DAAM2: variants seen among roughly 807,000 people sequenced by gnomAD.
DAAM2 encodes the protein dishevelled associated activator of morphogenesis 2, also known as disheveled-associated activator of morphogenesis 2.
In DAAM2, 39 loss-of-function variants were observed where a neutral mutation model predicts 120.7. The observed-to-expected ratio is 0.32, with a 90% CI of 0.25 to 0.42. DAAM2 has a LOEUF of 0.42. DAAM2 is among the 10% of genes least tolerant of loss of function. The pLI is 1.00. For synonymous variants in DAAM2, 488 were observed against 524.9 expected, an observed-to-expected ratio of 0.93 and a Z score of 0.96; for missense variants, 1,283 against 1,401.7, an observed-to-expected ratio of 0.92 and a Z score of 1.35.
rs1215782156 is a variant in DAAM2, at chr6:39,900,120, A to G, written c.2723A>G (p.Lys908Arg). The stretch of plus-strand genomic sequence containing the variant: ...CGCCAGGTACGGGAGCCCAGTGACA[A>G]GTTTGTCCCTGTCATGAGCGACTTC... ...QRRQVREPSD[K>R]FVPVMSDFIT... The change falls in exon 23 of 25, where the codon AAG becomes AGG. Residue 908 changes from lysine (K) to arginine (R), a missense_variant. Around this residue, in one of 3 missense-constraint regions of DAAM2, gnomAD observed 748 missense variants for 768.6 expected, o/e 0.97. Coordinates refer to ENST00000274867, the MANE Select transcript of DAAM2 (RefSeq NM_001201427.2). 1.9e-6 allele frequency: 3 copies of G among 1,601,154 alleles called. No individual in the cohort carries two copies. The highest frequency in any genetic ancestry group is 2.6e-6 in the Non-Finnish European group (3 of 1,174,096).
chr6:39,887,220 A>T, intron 15 of DAAM2: 1 of 377,168 alleles, frequency 2.7e-6, no homozygotes, highest in Non-Finnish European at 4.9e-6. Context: ...GATAATTTCT[A>T]AAAAAAATCT....
At chr6:39,831,821 A>G (rs1328146307) in intron 1 of DAAM2, among the ~76,000 whole-genome samples, 2 of 57,742 alleles carry the variant, frequency 3.5e-5, no homozygotes, top group African/African-American at 7.6e-5. Context: ...CAGTGCAGGG[A>G]CCAGAGCACT....
Position 39,861,021 on chromosome 6 carries a change from C to A in DAAM2, c.258+4C>A. 1 of 1,604,946 alleles carries A rather than the reference C, an allele frequency of 6.2e-7. No homozygotes were observed. Among genetic ancestry groups the A allele is most frequent in the Non-Finnish European group, 8.5e-7 (1 of 1,175,176 alleles). On this transcript the variant is annotated splice_donor_region_variant and intron_variant, in intron 3 of 24. Transcript: ENST00000274867. ...GATCTACTGCAGCAAGAAGAAGGTG[C>A]CCTCTCTGACCCCTCTGGCCACATC...
At position 39,901,725 on chromosome 6, in the gene DAAM2, G is replaced by A. The variant is rs1022918462; in HGVS notation, c.2983-88G>A. 6.3e-6 allele frequency: 8 copies of A among 1,264,858 alleles called. No individual in the cohort carries two copies. Among genetic ancestry groups the A allele is most frequent in the African/African-American group, 1.5e-5 (1 of 66,872 alleles). 78.4% of individuals were successfully genotyped at this position (1,264,858 alleles called of 1,614,324 possible). ...GATACAGGCAGGCAGCATGACCATG[G>A]CCTAGGAGTTAGCCCAGGGTTGGGG... is the stretch of plus-strand genomic sequence containing the variant. On this transcript the variant is annotated intron_variant, in intron 24 of 24. Coordinates refer to ENST00000274867, the MANE Select transcript of DAAM2 (RefSeq NM_001201427.2). The surrounding 1 kb of genome is among the most constrained non-coding windows in gnomAD (Gnocchi z 4.5).
chr6:39,880,472 TG>T (rs1765069208), intron 14 of DAAM2, among the ~76,000 whole-genome samples: 1 of 152,208 alleles, frequency 6.6e-6, no homozygotes, highest in South Asian at 2.1e-4. Flanking sequence ...AGCTTTGTGC[TG>T]GGGGCTATGA....
intron 2 of DAAM2, among the ~76,000 whole-genome samples, chr6:39,859,728 G>A (rs577963609): frequency 1.3e-5 from 2 of 152,138 alleles, no homozygotes; most frequent in South Asian, 4.1e-4. Context: ...TATGAAAATT[G>A]ACTTCACCTA....
In DAAM2 at chr6:39,873,237, G is replaced by C; in HGVS notation, c.1045-1G>C. 1 of 1,605,258 alleles carries C rather than the reference G, an allele frequency of 6.2e-7. No homozygotes were observed. Among genetic ancestry groups the C allele is most frequent in the Non-Finnish European group, 8.5e-7 (1 of 1,173,866 alleles). On this transcript the variant is annotated splice_acceptor_variant, in intron 9 of 24. Coordinates refer to ENST00000274867, the MANE Select transcript of DAAM2 (RefSeq NM_001201427.2). LOFTEE classifies it high-confidence loss of function. ...GATCACTGTGCCCTCTTCTCTCCCA[G>C]GTCCACATCGACACCAAGAGTGCTT...
chr6:39,854,383 C>T lies in DAAM2; in HGVS notation c.-56-1864C>T, dbSNP rs183227177. Among the ~76,000 whole-genome samples the T allele has an allele frequency of 4.1e-4, 62 of 152,276 alleles. 1 individual carries two copies. Among genetic ancestry groups the T allele is most frequent in the Middle Eastern group, 3.4e-3 (1 of 294 alleles). On this transcript the variant is annotated intron_variant, in intron 1 of 24. Coordinates refer to ENST00000274867, the MANE Select transcript of DAAM2 (RefSeq NM_001201427.2). The stretch of plus-strand genomic sequence containing the variant: ...TGTCAAAGAAGCAGGAGACACAGCT[C>T]CTGCCCTCCAGGAGCCCTCACGATA...
At position 39,812,955 on chromosome 6, in the gene DAAM2, C is replaced by T. The variant is rs559515371; in HGVS notation, c.-57+20490C>T. ...GATTCCTCACATTGGGAAAGGGGAT[C>T]GTAGTCCAGTCCAGGAAAATAAGTG... On this transcript the variant is annotated intron_variant, in intron 1 of 24. Transcript: ENST00000274867. 1.3e-4 allele frequency among the ~76,000 whole-genome samples: 20 copies of T among 152,198 alleles called. No individual in the cohort carries two copies. In the South Asian group the frequency reaches 3.7e-3, roughly 28 times the overall value.
At chr6:39,862,230 C>T (rs1363364528) in intron 3 of DAAM2, 1 of 152,130 alleles carries the variant, frequency 6.6e-6, no homozygotes, top group Non-Finnish European at 1.5e-5. Context: ...AGGCTGAGGA[C>T]CTGTGACAAG....
Position 39,901,374 on chromosome 6 carries a change from G to C in DAAM2, c.2884G>C (p.Asp962His), listed in dbSNP as rs755434704. ...MQPDEFFGIF[D>H]TFLQAFSEAR... ...GCCAGACGAATTCTTTGGCATCTTT[G>C]ATACCTTCTTGCAGGCCTTCTCAGA... The change falls in exon 24 of 25, where the codon GAT becomes CAT. Residue 962 changes from aspartate (D) to histidine (H), a missense_variant. Asp to His is a moderately conservative substitution (Grantham distance 81). Transcript: ENST00000274867. This position sits in a 1 kb window ranked among gnomAD's most constrained non-coding sequence, Gnocchi z 4.5. 4.3e-6 allele frequency: 7 copies of C among 1,613,830 alleles called. No individual in the cohort carries two copies. The Admixed American group carries it at 5.0e-5, about 12-fold the overall frequency.
At chr6:39,870,284 A>G (rs1582706718) in intron 7 of DAAM2, 56 bp from the exon 8 acceptor site, 1 of 1,077,622 alleles carries the variant, frequency 9.3e-7, no homozygotes, top group Non-Finnish European at 1.4e-6. Flanking sequence ...TCCACTGGGG[A>G]TGTTGTGGAA....
chr6:39,798,147 T>C (rs138490980), intron 1 of DAAM2, among the ~76,000 whole-genome samples: 110 of 152,322 alleles, frequency 7.2e-4, no homozygotes, highest in African/African-American at 2.4e-3. Flanking sequence ...GTATAGTAGC[T>C]TAGGGAAGGT....
chr6:39,865,312 G>A (rs1764382135), intron 5 of DAAM2, among the ~76,000 whole-genome samples: 1 of 152,226 alleles, frequency 6.6e-6, no homozygotes, highest in Non-Finnish European at 1.5e-5. Context: ...TCTCTAAAGA[G>A]GAATCGAGGG....
chr6:39,865,447 C>G (rs1254907367), intron 5 of DAAM2, among the ~76,000 whole-genome samples: 5 of 152,158 alleles, frequency 3.3e-5, no homozygotes, highest in Admixed American at 3.3e-4. Flanking sequence ...AGTGCCCCAT[C>G]CAGGAAAAGA....
rs1240528082 is a variant in DAAM2 at position 39,904,862 on chromosome 6, C to T, written c.*2825C>T. 3 of 453,922 alleles carry T rather than the reference C, an allele frequency of 6.6e-6. No individual in the cohort carries two copies. The highest frequency in any genetic ancestry group is 1.3e-5 in the Non-Finnish European group (3 of 226,802). The allele number at this position is 453,922 out of a possible 1,614,324, so 28.1% of individuals were successfully genotyped here. On this transcript the variant is annotated 3_prime_UTR_variant, in exon 25 of 25. Transcript: ENST00000274867. ...TAAAAAATATTAAATTCATACCATC[C>T]CTACCCAGTCTGCCTTTAAACTTGT...
intron 2 of DAAM2, among the ~76,000 whole-genome samples, chr6:39,857,523 G>A (rs927655341): frequency 1.3e-5 from 2 of 152,232 alleles, no homozygotes; most frequent in South Asian, 4.1e-4. Context: ...TCTGGATGGG[G>A]CAAGTGGTGG....
intron 1 of DAAM2, chr6:39,849,058 A>G (rs1303280801): frequency 6.6e-6 from 1 of 152,256 alleles, no homozygotes; most frequent in Non-Finnish European, 1.5e-5. Flanking sequence ...AAGTGGAATC[A>G]TATGAAATCG....
At chr6:39,804,034 C>T (rs1031266607) in intron 1 of DAAM2, among the ~76,000 whole-genome samples, 5 of 152,212 alleles carry the variant, frequency 3.3e-5, no homozygotes, top group African/African-American at 1.2e-4. Flanking sequence ...TCTGTGTGGG[C>T]ATTGCTGTCC....
Sources: allele counts gnomAD v4.1 joint callset (sites outside exome capture counted in the v4.1 genomes callset), GRCh38; gene constraint gnomAD v4.1.1; regional missense constraint gnomAD v4.1.1; non-coding constraint Gnocchi (gnomAD v3.1); transcripts MANE v1.5; gene names NCBI Gene and HGNC (gene_info 2026-07-23, HGNC 2026-07-21).